The following TXK variants were observed in gnomAD, a reference collection of about 807,000 sequenced individuals.
The protein encoded by TXK is tyrosine-protein kinase TXK.
TXK carries 60 observed loss-of-function variants against 81.0 expected under a neutral mutation model. The ratio of observed to expected loss-of-function variants is 0.74; its 90% confidence interval spans 0.60 to 0.92. The LOEUF (loss-of-function observed/expected upper bound fraction) is 0.92. TXK is among the 40% of genes least tolerant of loss of function. The pLI is 0.00. For synonymous variants in TXK, 203 were observed against 210.7 expected (o/e 0.96, Z 0.32); for missense variants, 581 against 638.3 (o/e 0.91, Z 0.97).
intron 12 of TXK, 79 bp from the exon 13 acceptor site, chr4:48,074,132 A>G: frequency 9.2e-7 from 1 of 1,083,214 alleles, no homozygotes; most frequent in Non-Finnish European, 1.4e-6. Flanking sequence ...AGTTAACTCT[A>G]AGTTGCTAAA....
intron 5 of TXK, among the ~76,000 whole-genome samples, chr4:48,108,420 T>C (rs1031045970): frequency 1.9e-4 from 29 of 152,208 alleles, no homozygotes; most frequent in African/African-American, 6.8e-4. Flanking sequence ...TTTCAGATCA[T>C]TCAGAAGTTT....
chr4:48,080,730 T>C (rs2109410113), intron 10 of TXK, among the ~76,000 whole-genome samples: 1 of 151,286 alleles, frequency 6.6e-6, no homozygotes, highest in South Asian at 2.1e-4. Flanking sequence ...CCTATTAAAA[T>C]ATACCCAGAA....
At chr4:48,120,516 A>T (rs1312579124) in intron 1 of TXK, among the ~76,000 whole-genome samples, 1 of 151,446 alleles carries the variant, frequency 6.6e-6, no homozygotes, top group Non-Finnish European at 1.5e-5. Flanking sequence ...GTTGAGACCA[A>T]GTCTCGCTCT....
At chr4:48,119,030 G>C (rs1476157512) in intron 1 of TXK, among the ~76,000 whole-genome samples, 1 of 152,204 alleles carries the variant, frequency 6.6e-6, no homozygotes, top group African/African-American at 2.4e-5. Flanking sequence ...GTGAGAGAGA[G>C]TAAAATAGAG....
chr4:48,080,683 C>T (rs1234879863), intron 10 of TXK, among the ~76,000 whole-genome samples: 1 of 151,686 alleles, frequency 6.6e-6, no homozygotes, highest in Non-Finnish European at 1.5e-5. Flanking sequence ...CACACACACA[C>T]ACACACACAC....
At chr4:48,107,500 C>A (rs1418213016) in intron 5 of TXK, among the ~76,000 whole-genome samples, 1 of 151,854 alleles carries the variant, frequency 6.6e-6, no homozygotes, top group Non-Finnish European at 1.5e-5. Context: ...TCTTCCACAG[C>A]GTCCAATACT....
intron 6 of TXK, among the ~76,000 whole-genome samples, chr4:48,099,275 T>C (rs1339312138): frequency 6.6e-6 from 1 of 152,178 alleles, no homozygotes; most frequent in Non-Finnish European, 1.5e-5. Flanking sequence ...TGAAATACTT[T>C]AAGATAAACT....
At chr4:48,099,148 C>T (rs1718091336) in intron 6 of TXK, among the ~76,000 whole-genome samples, 1 of 152,024 alleles carries the variant, frequency 6.6e-6, no homozygotes, top group Admixed American at 6.5e-5. Context: ...AACTGAAAAC[C>T]TACTACATAA....
At position 48,066,871 on chromosome 4, in the gene TXK, A is replaced by C. The variant is rs1318831464; in HGVS notation, c.*766T>G. On this transcript the variant is annotated 3_prime_UTR_variant, in exon 15 of 15. Transcript: ENST00000264316. Reference sequence around the variant, plus strand: ...ATTACAGGAGACACTTAGTATGACAAAATAAGGCCTCTGAAACTGTCCAAT... The same window carrying C: ...ATTACAGGAGACACTTAGTATGACACAATAAGGCCTCTGAAACTGTCCAAT... The C allele has an allele frequency of 6.6e-6, 1 of 152,176 alleles. No individual in the cohort carries two copies. Among genetic ancestry groups the C allele is most frequent in the African/African-American group, 2.4e-5 (1 of 41,438 alleles). 9.4% of individuals were successfully genotyped at this position (152,176 alleles called of 1,614,324 possible). A position where few individuals can be genotyped will look rare whatever the true frequency, so the allele number is the denominator to read the frequency against.
intron 6 of TXK, among the ~76,000 whole-genome samples, chr4:48,097,286 A>G (rs1409256534): frequency 6.6e-6 from 1 of 152,214 alleles, no homozygotes; most frequent in Non-Finnish European, 1.5e-5. Context: ...ATTCTATACA[A>G]TAAATTTGGA....
At chr4:48,119,987 T>C (rs1208406692) in intron 1 of TXK, among the ~76,000 whole-genome samples, 1 of 152,074 alleles carries the variant, frequency 6.6e-6, no homozygotes, top group African/African-American at 2.4e-5. Flanking sequence ...CCAAGCCCAC[T>C]TGGAGGTATT....
chr4:48,126,139 A>C (rs1189370122), intron 1 of TXK, among the ~76,000 whole-genome samples: 1 of 145,864 alleles, frequency 6.9e-6, no homozygotes, highest in Admixed American at 7.1e-5. Flanking sequence ...TGGTATAAAC[A>C]TTTACATGAA....
chr4:48,120,834 C>T (rs113391629), intron 1 of TXK, among the ~76,000 whole-genome samples: 2,258 of 151,846 alleles, frequency 0.015, 52 homozygotes, highest in African/African-American at 0.052. Context: ...TGCTCTCCTT[C>T]CATTACAGTC....
chr4:48,096,721 G>A (rs921431103), intron 6 of TXK, among the ~76,000 whole-genome samples: 1 of 151,984 alleles, frequency 6.6e-6, no homozygotes, highest in African/African-American at 2.4e-5. Flanking sequence ...TGGAGACAAG[G>A]TTTCACCGTG....
intron 2 of TXK, among the ~76,000 whole-genome samples, chr4:48,113,889 T>C (rs1293924336): frequency 6.6e-6 from 1 of 152,208 alleles, no homozygotes; most frequent in Non-Finnish European, 1.5e-5. Flanking sequence ...GTATCTGATA[T>C]ACAGGAAGCT....
chr4:48,070,787 C>G (rs1260472874), intron 14 of TXK, among the ~76,000 whole-genome samples: 6 of 150,820 alleles, frequency 4.0e-5, no homozygotes, highest in African/African-American at 1.5e-4. Context: ...CCATGTTGGC[C>G]AGGCTGGTCT....
At chr4:48,073,849 T>TA in intron 13 of TXK, 86 bp downstream of exon 13, 1 of 905,200 alleles carries the variant, frequency 1.1e-6, no homozygotes, top group Non-Finnish European at 1.7e-6. Context: ...AAAAATGCTA[T>TA]ATCAATTAGG....
chr4:48,097,438 G>C (rs974281711), intron 6 of TXK, among the ~76,000 whole-genome samples: 1 of 44,352 alleles, frequency 2.3e-5, no homozygotes, highest in African/African-American at 9.8e-5. Context: ...TTTTTTTTTT[G>C]AGACGGAGTC....
intron 13 of TXK, 80 bp downstream of exon 13, chr4:48,073,855 T>C: frequency 1.1e-6 from 1 of 942,128 alleles, no homozygotes; most frequent in South Asian, 1.7e-5. Flanking sequence ...GCTATATCAA[T>C]TAGGAAATCA....
Sources: allele counts gnomAD v4.1 joint callset (sites outside exome capture counted in the v4.1 genomes callset), GRCh38; gene constraint gnomAD v4.1.1; transcripts MANE v1.5; gene names NCBI Gene and HGNC (gene_info 2026-07-23, HGNC 2026-07-21).